The following PSEN1 variants were observed in gnomAD, a reference collection of about 807,000 sequenced individuals.
PSEN1 encodes the protein presenilin 1.
PSEN1 carries 15 observed loss-of-function variants against 53.5 expected under a neutral mutation model. That is an observed-to-expected ratio of 0.28 (90% CI 0.19 to 0.43). The LOEUF is 0.43. PSEN1 is among the 20% of genes least tolerant of loss of function. PSEN1 has a pLI of 1.00. For missense variants in PSEN1, 387 were observed against 571.2 expected (o/e 0.68, Z 3.29); for synonymous variants, 208 against 209.8 (o/e 0.99, Z 0.08).
At chr14:73,157,845 G>A (rs1481080319) in intron 3 of PSEN1, among the ~76,000 whole-genome samples, 1 of 151,980 alleles carries the variant, frequency 6.6e-6, no homozygotes, top group African/African-American at 2.4e-5. Context: ...AATTAGCCAG[G>A]GGTGGTGGCG....
rs1307540606 is a variant in PSEN1 at position 73,170,928 on chromosome 14, G to A, written c.219G>A (p.Leu73=). The A allele has an allele frequency of 1.9e-6, 3 of 1,614,226 alleles. No individual in the cohort carries two copies. The change falls in exon 4 of 12, where the codon CTG becomes CTA. Residue 73 remains leucine (L), a synonymous_variant. Transcript: ENST00000324501. ...VEQDEEEDEE[L]TLKYGAKHVI... is the part of the protein sequence containing the mutation. ...AAGATGAGGAAGAAGATGAGGAGCT[G>A]ACATTGAAATATGGCGCCAAGCATG...
intron 8 of PSEN1, 58 bp from the exon 9 acceptor site, chr14:73,206,328 T>A (rs1279979812): frequency 8.4e-7 from 1 of 1,193,324 alleles, no homozygotes; most frequent in East Asian, 2.3e-5. Flanking sequence ...TGGCTTGTTG[T>A]TGTCTATGCA....
intron 1 of PSEN1, among the ~76,000 whole-genome samples, chr14:73,144,614 A>G (rs1403309175): frequency 1.3e-5 from 2 of 152,202 alleles, no homozygotes; most frequent in Admixed American, 6.5e-5. Flanking sequence ...TGTGACCTTA[A>G]GCAAGTGAAC....
intron 6 of PSEN1, among the ~76,000 whole-genome samples, chr14:73,189,123 A>C (rs1197418727): frequency 2.6e-5 from 4 of 152,186 alleles, no homozygotes; most frequent in African/African-American, 9.7e-5. Flanking sequence ...CCAATTATCT[A>C]GCATTGCTCT....
At position 73,220,733 on chromosome 14, in the gene PSEN1, TTGTG is replaced by T. The variant is rs1168342800; in HGVS notation, c.*1447_*1450del. ...CGTTACCTTTCCTCTCAATGTACCT[TTGTG>T]TGAACTGGGCAGTGGAGGTGCCTGC... On this transcript the variant is annotated 3_prime_UTR_variant, in exon 12 of 12. Transcript: ENST00000324501. 5 of 152,180 alleles carry T rather than the reference TTGTG, an allele frequency of 3.3e-5. No homozygotes were observed. Among genetic ancestry groups the T allele is most frequent in the Non-Finnish European group, 7.3e-5 (5 of 68,052 alleles). 9.4% of individuals were successfully genotyped at this position (152,180 alleles called of 1,614,324 possible). A position where few individuals can be genotyped will look rare whatever the true frequency, so the allele number is the denominator to read the frequency against.
intron 3 of PSEN1, chr14:73,160,079 C>A: frequency 3.5e-6 from 1 of 281,968 alleles, no homozygotes; most frequent in Non-Finnish European, 7.9e-6. Context: ...CCACTTTGGC[C>A]TCCCAAAATA....
intron 3 of PSEN1, among the ~76,000 whole-genome samples, chr14:73,170,315 AG>A (rs1164057593): frequency 6.6e-6 from 1 of 152,178 alleles, no homozygotes; most frequent in African/African-American, 2.4e-5. Context: ...GCAGCCCAGT[AG>A]GTCTTGGCCT....
chr14:73,202,356 A>T (rs1408617760), intron 8 of PSEN1, among the ~76,000 whole-genome samples: 1 of 140,880 alleles, frequency 7.1e-6, no homozygotes, highest in Non-Finnish European at 1.5e-5. Context: ...AACATTAAAC[A>T]TGTATGTTAA....
chr14:73,155,514 T>A (rs1041471013), intron 3 of PSEN1, among the ~76,000 whole-genome samples: 3 of 152,088 alleles, frequency 2.0e-5, no homozygotes, highest in Admixed American at 6.6e-5. Context: ...CATTATTATT[T>A]TTTTTTTGAG....
At chr14:73,157,153 C>A (rs900944629) in intron 3 of PSEN1, among the ~76,000 whole-genome samples, 4 of 147,042 alleles carry the variant, frequency 2.7e-5, no homozygotes, top group Admixed American at 6.8e-5. Flanking sequence ...GAGGGAGTTT[C>A]ACTCTTTTGT....
intron 3 of PSEN1, among the ~76,000 whole-genome samples, chr14:73,164,067 TAGAA>T (rs1011802469): frequency 1.3e-5 from 2 of 152,070 alleles, no homozygotes; most frequent in African/African-American, 2.4e-5. Context: ...ATTATGGACA[TAGAA>T]AGAAGCAGAT....
At chr14:73,137,803 G>A (rs1183463595) in intron 1 of PSEN1, among the ~76,000 whole-genome samples, 2 of 152,188 alleles carry the variant, frequency 1.3e-5, no homozygotes, top group African/African-American at 4.8e-5. Flanking sequence ...AAAATGTGAG[G>A]CCCGGGGCGG....
At chr14:73,157,292 A>AT (rs1172164076) in intron 3 of PSEN1, among the ~76,000 whole-genome samples, 1 of 150,804 alleles carries the variant, frequency 6.6e-6, no homozygotes, top group African/African-American at 2.4e-5. Flanking sequence ...CACCCAGCTA[A>AT]TTTTTTTGTA....
intron 5 of PSEN1, among the ~76,000 whole-genome samples, chr14:73,176,860 T>C (rs1483573476): frequency 1.3e-5 from 2 of 152,200 alleles, no homozygotes; most frequent in African/African-American, 4.8e-5. Flanking sequence ...TTGGCCTGGA[T>C]TGACACACAT....
At chr14:73,209,061 T>G (rs1030604007) in intron 9 of PSEN1, 1 of 317,684 alleles carries the variant, frequency 3.1e-6, no homozygotes, top group African/African-American at 2.2e-5. Context: ...GCACCCAGCC[T>G]CAGCCACAAC....
intron 6 of PSEN1, chr14:73,189,977 A>G (rs909140892): frequency 6.4e-6 from 1 of 155,350 alleles, no homozygotes. Context: ...TAGGCCAACA[A>G]CGGGGTGGAG....
chr14:73,203,186 C>T (rs765219293), intron 8 of PSEN1, among the ~76,000 whole-genome samples: 1 of 152,084 alleles, frequency 6.6e-6, no homozygotes, highest in Non-Finnish European at 1.5e-5. Context: ...TCAAGCGATT[C>T]TCCTGCCTCG....
intron 3 of PSEN1, among the ~76,000 whole-genome samples, chr14:73,159,039 T>G (rs1897450274): frequency 6.6e-6 from 1 of 152,192 alleles, no homozygotes; most frequent in Non-Finnish European, 1.5e-5. Context: ...CTCTTGCCCA[T>G]TTAAAAATTG....
Position 73,141,891 on chromosome 14 carries a change from C to A in PSEN1, c.-136+5308C>A, listed in dbSNP as rs1896939266. On this transcript the variant is annotated intron_variant, in intron 1 of 11. Transcript: ENST00000324501. The stretch of plus-strand genomic sequence containing the variant: ...GACCATCCTGGCTAACACAGTGAAA[C>A]CCCGTCTCTACTAAAAATACAAAAA... Among the ~76,000 whole-genome samples the A allele has an allele frequency of 3.9e-5, 6 of 152,122 alleles. No homozygotes were observed. The South Asian group carries it at 1.0e-3, about 26-fold the overall frequency.
Sources: allele counts gnomAD v4.1 joint callset (sites outside exome capture counted in the v4.1 genomes callset), GRCh38; gene constraint gnomAD v4.1.1; transcripts MANE v1.5; gene names NCBI Gene and HGNC (gene_info 2026-07-23, HGNC 2026-07-21).